Variants in RPS23 observed in about 807,000 individuals in gnomAD.
RPS23 encodes the protein small ribosomal subunit protein uS12.
For synonymous variants in RPS23, 66 were observed against 60.4 expected (o/e 1.09, Z -0.43); for missense variants, 73 against 174.5 (o/e 0.42, Z 3.28).
At chr5:82,278,258 C>G in intron 1 of RPS23, 62 bp downstream of exon 1, 1 of 1,575,392 alleles carries the variant, frequency 6.3e-7, no homozygotes. Flanking sequence ...CGCATCCGCC[C>G]GCCCGTCCCC....
At chr5:82,277,399 C>T (rs1383580654) in intron 2 of RPS23, 1 of 411,274 alleles carries the variant, frequency 2.4e-6, no homozygotes, top group Non-Finnish European at 4.4e-6. Context: ...TGACACGTGC[C>T]ATTTACTTAT....
Position 82,274,825 on chromosome 5 carries a change from C to T in RPS23, c.*1284G>A, listed in dbSNP as rs929936184. On this transcript the variant is annotated 3_prime_UTR_variant, in exon 4 of 4. Coordinates refer to ENST00000296674, the MANE Select transcript of RPS23 (RefSeq NM_001025.5). The stretch of plus-strand genomic sequence containing the variant: ...TGGTACAAACCAACAGGCAGCCTTT[C>T]CGCCCTTGCGGAGGGAGAGACTAGC... 2 of 208,038 alleles carry T rather than the reference C, an allele frequency of 9.6e-6. No homozygotes were observed. Among genetic ancestry groups the T allele is most frequent in the African/African-American group, 2.3e-5 (1 of 43,306 alleles). The allele number at this position is 208,038 out of a possible 1,614,324, so 12.9% of individuals were successfully genotyped here.
rs528343519 is a variant in RPS23, at chr5:82,277,925, C to T, written c.5-73G>A. 41 of 1,336,000 alleles carry T rather than the reference C, an allele frequency of 3.1e-5. No homozygotes were observed. In the African/African-American group the frequency reaches 5.5e-4, roughly 18 times the overall value. 82.8% of individuals were successfully genotyped at this position (1,336,000 alleles called of 1,614,324 possible). On this transcript the variant is annotated intron_variant, in intron 1 of 3. Coordinates refer to ENST00000296674, the MANE Select transcript of RPS23 (RefSeq NM_001025.5). ...TGTTTCCCATCTTCTAAGACACTCG[C>T]CTCACCTGGAATAAACCCTTAAGCC...
rs549359010 is a variant in RPS23, at chr5:82,276,032, G to C, written c.*77C>G. 2 of 1,364,718 alleles carry C rather than the reference G, an allele frequency of 1.5e-6. No homozygotes were observed. Among genetic ancestry groups the C allele is most frequent in the Non-Finnish European group, 2.0e-6 (2 of 989,398 alleles). 84.5% of individuals were successfully genotyped at this position (1,364,718 alleles called of 1,614,324 possible). ...TGGTAATGAACATGATCTTCGTGGTGAGAACAGGGGACAGTAAGATACAAA... is the reference window on the plus strand; with the variant it reads ...TGGTAATGAACATGATCTTCGTGGTCAGAACAGGGGACAGTAAGATACAAA... On this transcript the variant is annotated 3_prime_UTR_variant, in exon 4 of 4. Coordinates refer to ENST00000296674, the MANE Select transcript of RPS23 (RefSeq NM_001025.5).
chr5:82,275,380 A>C lies in RPS23; in HGVS notation c.*729T>G. ...TCAAAACACAACCAATCTTGTCTCT[A>C]CACTAAACCACTTCATTTGCTGACT... is the stretch of plus-strand genomic sequence containing the variant. On this transcript the variant is annotated 3_prime_UTR_variant, in exon 4 of 4. Transcript: ENST00000296674. 2.9e-6 allele frequency: 2 copies of C among 696,946 alleles called. No homozygotes were observed. Among genetic ancestry groups the C allele is most frequent in the Non-Finnish European group, 5.2e-6 (2 of 381,668 alleles). 43.2% of individuals were successfully genotyped at this position (696,946 alleles called of 1,614,324 possible).
Position 82,274,860 on chromosome 5 carries a change from A to G in RPS23, c.*1249T>C, listed in dbSNP as rs1282934780. 1.7e-5 allele frequency: 4 copies of G among 237,858 alleles called. No individual in the cohort carries two copies. Among genetic ancestry groups the G allele is most frequent in the Non-Finnish European group, 2.5e-5 (3 of 121,232 alleles). 14.7% of individuals were successfully genotyped at this position (237,858 alleles called of 1,614,324 possible). A position where few individuals can be genotyped will look rare whatever the true frequency, so the allele number is the denominator to read the frequency against. ...GGAGGGAGAGACTAGCATCATCATC[A>G]AGAGATAAACCGAAGTGTGCTGGAA... is the stretch of plus-strand genomic sequence containing the variant. On this transcript the variant is annotated 3_prime_UTR_variant, in exon 4 of 4. Coordinates refer to ENST00000296674, the MANE Select transcript of RPS23 (RefSeq NM_001025.5).
intron 2 of RPS23, chr5:82,277,246 T>C (rs1174794816): frequency 1.5e-5 from 3 of 194,926 alleles, no homozygotes; most frequent in Admixed American, 6.0e-5. Flanking sequence ...GATAGAACTA[T>C]ATGAAATTAT....
chr5:82,277,546 A>G, intron 2 of RPS23, 147 bp downstream of exon 2: 1 of 819,252 alleles, frequency 1.2e-6, no homozygotes, highest in Non-Finnish European at 2.0e-6. Context: ...ACTTTTAAAT[A>G]GAACAAACGC....
chr5:82,275,149 A>C lies in RPS23; in HGVS notation c.*960T>G. 3 of 687,396 alleles carry C rather than the reference A, an allele frequency of 4.4e-6. No homozygotes were observed. The highest frequency in any genetic ancestry group is 5.3e-6 in the Non-Finnish European group (2 of 376,566). The allele number at this position is 687,396 out of a possible 1,614,324, so 42.6% of individuals were successfully genotyped here. A position where few individuals can be genotyped will look rare whatever the true frequency, so the allele number is the denominator to read the frequency against. On this transcript the variant is annotated 3_prime_UTR_variant, in exon 4 of 4. Transcript: ENST00000296674. ...TGGGCAACCAAACCAATTGTTTTCC[A>C]AAGATCCTAAACAATGTAAAGCTAG...
In RPS23 at chr5:82,275,926, AC is replaced by A; in HGVS notation, c.*182del. 3.4e-6 allele frequency: 2 copies of A among 593,800 alleles called. No individual in the cohort carries two copies. Among genetic ancestry groups the A allele is most frequent in the Non-Finnish European group, 6.0e-6 (2 of 333,160 alleles). The allele number at this position is 593,800 out of a possible 1,614,324, so 36.8% of individuals were successfully genotyped here. A position where few individuals can be genotyped will look rare whatever the true frequency, so the allele number is the denominator to read the frequency against. ...ATTAACTCTAGAGAATCCTGAAACA[AC>A]CCTGTCTTATTGTCTCCTAAAATTG... On this transcript the variant is annotated 3_prime_UTR_variant, in exon 4 of 4. Transcript: ENST00000296674.
chr5:82,276,574 T>C, intron 2 of RPS23, 56 bp from the exon 3 acceptor site: 1 of 1,601,550 alleles, frequency 6.2e-7, no homozygotes, highest in African/African-American at 1.3e-5. Context: ...GATTATCTTT[T>C]CATATTAACT....
In RPS23 at chr5:82,275,473, A is replaced by C; in HGVS notation, c.*636T>G. The stretch of plus-strand genomic sequence containing the variant: ...ATACTGAAAACATCAGTCTTGTCGT[A>C]TACCTTATCTCCCTTGCCTGGCATA... On this transcript the variant is annotated 3_prime_UTR_variant, in exon 4 of 4. Coordinates refer to ENST00000296674, the MANE Select transcript of RPS23 (RefSeq NM_001025.5). The C allele has an allele frequency of 3.2e-6, 2 of 618,726 alleles. No homozygotes were observed. Among genetic ancestry groups the C allele is most frequent in the South Asian group, 3.9e-5 (2 of 51,776 alleles). 38.3% of individuals were successfully genotyped at this position (618,726 alleles called of 1,614,324 possible). A position where few individuals can be genotyped will look rare whatever the true frequency, so the allele number is the denominator to read the frequency against.
intron 2 of RPS23, 102 bp downstream of exon 2, chr5:82,277,591 C>G: frequency 8.6e-7 from 1 of 1,162,938 alleles, no homozygotes. Flanking sequence ...CAAATGAATA[C>G]TACTACACAA....
chr5:82,275,990 A>G lies in RPS23; in HGVS notation c.*119T>C, dbSNP rs148943823. ...CGTTTGCTGGTTTAGGATAAAAAAAATAAGGGGGGGTGGTGGTGGTAATGA... is the reference window on the plus strand; with the variant it reads ...CGTTTGCTGGTTTAGGATAAAAAAAGTAAGGGGGGGTGGTGGTGGTAATGA... On this transcript the variant is annotated 3_prime_UTR_variant, in exon 4 of 4. Transcript: ENST00000296674. 0.013 allele frequency: 12,957 copies of G among 963,706 alleles called. 109 individuals are homozygous for G. The highest frequency in any genetic ancestry group is 0.018 in the Non-Finnish European group (11,292 of 644,056). The allele number at this position is 963,706 out of a possible 1,614,324, so 59.7% of individuals were successfully genotyped here. A position where few individuals can be genotyped will look rare whatever the true frequency, so the allele number is the denominator to read the frequency against.
Position 82,275,374 on chromosome 5 carries a change from G to C in RPS23, c.*735C>G. On this transcript the variant is annotated 3_prime_UTR_variant, in exon 4 of 4. Coordinates refer to ENST00000296674, the MANE Select transcript of RPS23 (RefSeq NM_001025.5). ...AAATTATCAAAACACAACCAATCTT[G>C]TCTCTACACTAAACCACTTCATTTG... is the stretch of plus-strand genomic sequence containing the variant. The C allele has an allele frequency of 1.4e-6, 1 of 700,822 alleles. No homozygotes were observed. Among genetic ancestry groups the C allele is most frequent in the South Asian group, 1.5e-5 (1 of 67,344 alleles). The allele number at this position is 700,822 out of a possible 1,614,324, so 43.4% of individuals were successfully genotyped here. A position where few individuals can be genotyped will look rare whatever the true frequency, so the allele number is the denominator to read the frequency against.
chr5:82,277,719 A>G lies in RPS23; in HGVS notation c.138T>C (p.His46=). The change falls in exon 2 of 4, where the codon CAT becomes CAC. Residue 46 remains histidine, a synonymous_variant. Coordinates refer to ENST00000296674, the MANE Select transcript of RPS23 (RefSeq NM_001025.5). ...CTTTTTCCAGCACGATTCCTTTTGCATGAGAAGCACCTCCAAAAGGGTTGG... is the reference window on the plus strand; with the variant it reads ...CTTTTTCCAGCACGATTCCTTTTGCGTGAGAAGCACCTCCAAAAGGGTTGG... ...LKANPFGGAS[H]AKGIVLEKVG... is the part of the protein sequence containing the mutation. 6.2e-7 allele frequency: 1 copy of G among 1,614,020 alleles called. No homozygotes were observed. Among genetic ancestry groups the G allele is most frequent in the South Asian group, 1.1e-5 (1 of 91,084 alleles).
In RPS23 at chr5:82,277,690, T is replaced by C; in HGVS notation, c.164+3A>G. ...TAAAACTTGACGGGAGCAATGGACTTACACTTTTTCCAGCACGATTCCTTT... is the reference window on the plus strand; with the variant it reads ...TAAAACTTGACGGGAGCAATGGACTCACACTTTTTCCAGCACGATTCCTTT... On this transcript the variant is annotated splice_donor_region_variant and intron_variant, in intron 2 of 3. Transcript: ENST00000296674. 6.2e-7 allele frequency: 1 copy of C among 1,613,784 alleles called. No individual in the cohort carries two copies. Among genetic ancestry groups the C allele is most frequent in the South Asian group, 1.1e-5 (1 of 91,084 alleles).
At position 82,273,648 on chromosome 5, in the gene RPS23, G is replaced by A. The variant is rs1160304612; in HGVS notation, c.*2461C>T. The A allele has an allele frequency of 1.5e-5, 2 of 135,094 alleles. No individual in the cohort carries two copies. Among genetic ancestry groups the A allele is most frequent in the African/African-American group, 7.4e-5 (2 of 27,158 alleles). The allele number at this position is 135,094 out of a possible 1,614,324, so 8.4% of individuals were successfully genotyped here. A position where few individuals can be genotyped will look rare whatever the true frequency, so the allele number is the denominator to read the frequency against. ...CTGGTTTCAGGCCTGGTGCCGGGCT[G>A]CCTGTCTTTGATTTCACTTCCTTGT... On this transcript the variant is annotated 3_prime_UTR_variant, in exon 4 of 4. Coordinates refer to ENST00000296674, the MANE Select transcript of RPS23 (RefSeq NM_001025.5).
At chr5:82,277,521 A>G (rs1253077534) in intron 2 of RPS23, 172 bp downstream of exon 2, 25 of 707,202 alleles carry the variant, frequency 3.5e-5, no homozygotes, top group South Asian at 3.2e-4. Flanking sequence ...TAATTCCCAA[A>G]AACTAATTTT....
Sources: allele counts gnomAD v4.1 joint callset, GRCh38; gene constraint gnomAD v4.1.1; transcripts MANE v1.5; gene names NCBI Gene and HGNC (gene_info 2026-07-23, HGNC 2026-07-21).